PIGQ: variants seen among roughly 807,000 people sequenced by gnomAD.
PIGQ encodes phosphatidylinositol glycan anchor biosynthesis class Q.
In PIGQ, 54 loss-of-function variants were observed where a neutral mutation model predicts 60.3. The observed-to-expected ratio is 0.90, with a 90% CI of 0.72 to 1.12. The LOEUF (loss-of-function observed/expected upper bound fraction) is 1.12, where lower values mean the gene tolerates loss of function less well. PIGQ is among the 50% of genes most tolerant of loss of function. The pLI is 0.00. For synonymous variants in PIGQ, 416 were observed against 363.7 expected (o/e 1.14, Z -1.64); for missense variants, 799 against 793.5 (o/e 1.01, Z -0.08).
chr16:574,020 G>C (rs768892105), intron 1 of PIGQ, 46 bp from the exon 2 acceptor site: 105 of 1,386,024 alleles, frequency 7.6e-5, no homozygotes, highest in Non-Finnish European at 1.0e-4. Flanking sequence ...CCCACGGTGG[G>C]GGGGCAGCAG....
chr16:583,482 C>T lies in PIGQ; in HGVS notation c.*447C>T. 1 of 1,612,766 alleles carries T rather than the reference C, an allele frequency of 6.2e-7. No homozygotes were observed. The highest frequency in any genetic ancestry group is 8.5e-7 in the Non-Finnish European group (1 of 1,179,936). On this transcript the variant is annotated 3_prime_UTR_variant, in exon 11 of 11. Coordinates refer to ENST00000321878, the MANE Select transcript of PIGQ (RefSeq NM_004204.5). The stretch of plus-strand genomic sequence containing the variant: ...ACCTTGCCAGGATGAACCCCCCAGT[C>T]CCAGGCACCCTCTAGCTCCCTCAGC...
At position 580,282 on chromosome 16, in the gene PIGQ, G is replaced by A; in HGVS notation, c.1416+19G>A. 1 of 1,567,918 alleles carries A rather than the reference G, an allele frequency of 6.4e-7. No homozygotes were observed. Among genetic ancestry groups the A allele is most frequent in the Non-Finnish European group, 8.7e-7 (1 of 1,144,120 alleles). On this transcript the variant is annotated intron_variant, in intron 8 of 10. Coordinates refer to ENST00000321878, the MANE Select transcript of PIGQ (RefSeq NM_004204.5). The stretch of plus-strand genomic sequence containing the variant: ...CACCCTGGTGAGCTGAGCACCCACA[G>A]GCTGGGCCTGGCTGCAGTGCTCTGT...
Position 580,948 on chromosome 16 carries a change from C to T in PIGQ, c.1507C>T (p.Leu503Phe). 2 of 1,610,342 alleles carry T rather than the reference C, an allele frequency of 1.2e-6. No individual in the cohort carries two copies. Among genetic ancestry groups the T allele is most frequent in the Non-Finnish European group, 1.7e-6 (2 of 1,178,102 alleles). ...SLPLYSLGLR[L>F]CRPYRLAAGV... ...GCCGCTGTACTCACTGGGTCTTCGG[C>T]TCTGCCGGCCCTACAGGCTGGCGGG... is the stretch of plus-strand genomic sequence containing the variant. Residue 503 changes from leucine (L) to phenylalanine (F), a missense_variant, in exon 9 of 11, where the codon CTC (leucine) becomes TTC (phenylalanine). Physicochemically the swap from Leu to Phe is conservative, Grantham distance 22. Coordinates refer to ENST00000321878, the MANE Select transcript of PIGQ (RefSeq NM_004204.5).
chr16:574,838 G>T (rs1427574028), intron 2 of PIGQ, 75 bp downstream of exon 2: 18 of 1,176,486 alleles, frequency 1.5e-5, no homozygotes, highest in African/African-American at 3.1e-5. Context: ...GTCTGCAGTG[G>T]GCACAGAGGC....
intron 1 of PIGQ, among the ~76,000 whole-genome samples, chr16:573,134 G>A (rs894351849): frequency 6.6e-6 from 1 of 152,204 alleles, no homozygotes; most frequent in Non-Finnish European, 1.5e-5. Context: ...GAAAGGGGGA[G>A]GAGAGGCCCA....
At chr16:578,552 A>C (rs2035758149) in intron 5 of PIGQ, 47 bp downstream of exon 5, 26 of 1,594,840 alleles carry the variant, frequency 1.6e-5, no homozygotes, top group Non-Finnish European at 2.1e-5. Context: ...GAGCTTGCTG[A>C]AGAGGGTAGG....
chr16:576,821 C>T (rs1174601409), intron 4 of PIGQ: 3 of 307,766 alleles, frequency 9.7e-6, no homozygotes, highest in East Asian at 5.2e-5. Context: ...TCCATGCTGC[C>T]TCTGGGCCTT....
intron 1 of PIGQ, among the ~76,000 whole-genome samples, chr16:571,842 G>C (rs901993654): frequency 2.0e-5 from 3 of 151,828 alleles, no homozygotes; most frequent in African/African-American, 7.3e-5. Context: ...CTCACTACTC[G>C]ACAGAGAAGA....
chr16:579,175 G>A lies in PIGQ; in HGVS notation c.1330G>A (p.Asp444Asn), dbSNP rs751645533. The A allele has an allele frequency of 1.2e-5, 19 of 1,610,744 alleles. No individual in the cohort carries two copies. In the South Asian group the frequency reaches 1.6e-4, roughly 14 times the overall value. The change falls in exon 7 of 11, where the codon GAC (aspartate) becomes AAC (asparagine). Residue 444 changes from aspartate to asparagine, a missense_variant. By Grantham distance (23) the Asp-to-Asn change is conservative (BLOSUM62 1). Coordinates refer to ENST00000321878, the MANE Select transcript of PIGQ (RefSeq NM_004204.5). Reference protein sequence around the residue: ...QRVDSCSYDLDQLFIGTLLFT... With the variant: ...QRVDSCSYDLNQLFIGTLLFT... Reference sequence around the variant, plus strand: ...CGTGGACTCCTGTTCCTATGACCTGGACCAGGTATGGGGCAGGGTTCGTGG... The same window carrying A: ...CGTGGACTCCTGTTCCTATGACCTGAACCAGGTATGGGGCAGGGTTCGTGG...
At chr16:571,394 G>A (rs1348204345) in intron 1 of PIGQ, among the ~76,000 whole-genome samples, 1 of 143,050 alleles carries the variant, frequency 7.0e-6, no homozygotes, top group Non-Finnish European at 1.5e-5. Context: ...CCTGGTGCCC[G>A]TGTGTGTGTG....
chr16:577,387 C>CTAA (rs1199127202), intron 4 of PIGQ, among the ~76,000 whole-genome samples: 1 of 151,538 alleles, frequency 6.6e-6, no homozygotes, highest in Non-Finnish European at 1.5e-5. Flanking sequence ...ACCATCCTGG[C>CTAA]TAACACAGTG....
chr16:579,215 T>C (rs1473558991), intron 7 of PIGQ, 35 bp downstream of exon 7: 1 of 1,539,798 alleles, frequency 6.5e-7, no homozygotes, highest in South Asian at 1.1e-5. Context: ...AGGGGCTGAC[T>C]GCCTCCGGCC....
In PIGQ at chr16:578,954, C is replaced by T; in HGVS notation, c.1223+16C>T. 7 of 1,605,922 alleles carry T rather than the reference C, an allele frequency of 4.4e-6. No individual in the cohort carries two copies. Among genetic ancestry groups the T allele is most frequent in the Non-Finnish European group, 5.9e-6 (7 of 1,177,034 alleles). ...ATGGAGCCAGGTGGGCGTGGGCTTC[C>T]CCCTCCCCACCGCCCCCTGGGAGGT... On this transcript the variant is annotated intron_variant, in intron 6 of 10. Transcript: ENST00000321878.
chr16:578,207 A>C (rs2035750894), intron 4 of PIGQ, 172 bp from the exon 5 acceptor site: 2 of 633,380 alleles, frequency 3.2e-6, no homozygotes, highest in Non-Finnish European at 5.3e-6. Flanking sequence ...CTCAGACCCC[A>C]ATCCCGGAGC....
rs760318704 is a variant in PIGQ at position 580,955 on chromosome 16, G to T, written c.1514G>T (p.Arg505Leu). The T allele has an allele frequency of 2.5e-6, 4 of 1,607,302 alleles. No individual in the cohort carries two copies. The highest frequency in any genetic ancestry group is 3.4e-6 in the Non-Finnish European group (4 of 1,175,504). ...PLYSLGLRLC[R>L]PYRLAAGVKF... ...TACTCACTGGGTCTTCGGCTCTGCC[G>T]GCCCTACAGGCTGGCGGGTAAGTGC... The change falls in exon 9 of 11, where the codon CGG becomes CTG. Residue 505 changes from arginine to leucine, a missense_variant. By Grantham distance (102) the Arg-to-Leu change is moderately radical. Transcript: ENST00000321878.
At position 574,466 on chromosome 16, in the gene PIGQ, ATGACCAG is replaced by A. The variant is rs1567174824; in HGVS notation, c.393_399del (p.Asp132AlafsTer36). On this transcript the variant is annotated frameshift_variant, in exon 2 of 11. Transcript: ENST00000321878. LOFTEE classifies it high-confidence loss of function. ...GAGGACCAGGTCATGCTCATCTTCT[ATGACCAG>A]CGCCAGGTGTTGCTGTCACAGCTAC... The A allele has an allele frequency of 6.2e-7, 1 of 1,610,646 alleles. No homozygotes were observed. Among genetic ancestry groups the A allele is most frequent in the Middle Eastern group, 1.7e-4 (1 of 6,052 alleles).
chr16:577,339 A>T (rs1181088973), intron 4 of PIGQ: 3 of 152,166 alleles, frequency 2.0e-5, no homozygotes, highest in Non-Finnish European at 4.4e-5. Context: ...GCACTTTGGG[A>T]GGCCAAGGCG....
intron 1 of PIGQ, among the ~76,000 whole-genome samples, chr16:572,977 T>C (rs993032934): frequency 2.6e-5 from 4 of 152,230 alleles, no homozygotes; most frequent in African/African-American, 7.2e-5. Flanking sequence ...TGGGGCTTTC[T>C]GTGTCTGAGG....
At chr16:576,278 G>T in intron 4 of PIGQ, 24 bp downstream of exon 4, 1 of 1,548,812 alleles carries the variant, frequency 6.5e-7, no homozygotes, top group East Asian at 2.4e-5. Flanking sequence ...GGTGGAGCCC[G>T]GTGTCCCGGG....
Sources: allele counts gnomAD v4.1 joint callset (sites outside exome capture counted in the v4.1 genomes callset), GRCh38; gene constraint gnomAD v4.1.1; transcripts MANE v1.5; gene names NCBI Gene and HGNC (gene_info 2026-07-23, HGNC 2026-07-21).